Variants in DCAF8L1 observed in about 807,000 individuals in gnomAD.
The protein encoded by DCAF8L1 is DDB1 and CUL4 associated factor 8 like 1, also known as DDB1- and CUL4-associated factor 8-like protein 1.
For missense variants in DCAF8L1, 434 were observed against 481.6 expected, an observed-to-expected ratio of 0.90 and a Z score of 0.92; for synonymous variants, 217 against 186.8, an observed-to-expected ratio of 1.16 and a Z score of -1.32.
In DCAF8L1 at chrX:27,979,075, GT is replaced by G; in HGVS notation, c.*456del. On this transcript the variant is annotated 3_prime_UTR_variant, in exon 1 of 1. Transcript: ENST00000441525. ...AAGCTGTGTGTGTGTGTGGCCAAGT[GT>G]TAGGAATTAATCTACACACTACTTC... The G allele has an allele frequency of 2.9e-6, 1 of 345,211 alleles. No individual in the cohort carries two copies. The highest frequency in any genetic ancestry group is 6.2e-5 in the South Asian group (1 of 16,223). 28.4% of individuals were successfully genotyped at this position (345,211 alleles called of 1,213,427 possible).
Position 27,979,746 on chromosome X carries a change from T to C in DCAF8L1, c.1589A>G (p.Gln530Arg). The C allele has an allele frequency of 4.1e-6, 5 of 1,210,671 alleles. No homozygotes were observed. The highest frequency in any genetic ancestry group is 5.6e-6 in the Non-Finnish European group (5 of 894,972). ...GLKDVIKKNK[Q>R]ERDEDNLNYT... ...GTTCAAGTTGTCTTCATCTCGCTCC[T>C]GCTTGTTCTTCTTAATCACATCTTT... The change falls in exon 1 of 1, where the codon CAG becomes CGG. Residue 530 changes from glutamine (Q) to arginine (R), a missense_variant. By Grantham distance (43) the Gln-to-Arg change is conservative. Transcript: ENST00000441525.
chrX:27,980,402 C>G lies in DCAF8L1; in HGVS notation c.933G>C (p.Val311=), dbSNP rs915443694. 11 of 1,210,679 alleles carry G rather than the reference C, an allele frequency of 9.1e-6. No individual in the cohort carries two copies. Among genetic ancestry groups the G allele is most frequent in the African/African-American group, 5.2e-5 (3 of 57,377 alleles). Residue 311 remains valine, a synonymous_variant, in exon 1 of 1, where the codon GTG becomes GTC. Transcript: ENST00000441525. The part of the protein sequence containing the change: ...KFLTSGEDAV[V]FTIDLRQDRP... ...GGTCTTGCCTGAGGTCAATGGTGAACACAACGGCATCTTCACCTGAAGTGA... is the reference window on the plus strand; with the variant it reads ...GGTCTTGCCTGAGGTCAATGGTGAAGACAACGGCATCTTCACCTGAAGTGA...
Position 27,980,005 on chromosome X carries a change from T to C in DCAF8L1, c.1330A>G (p.Asn444Asp). 8.3e-7 allele frequency: 1 copy of C among 1,211,251 alleles called. No individual in the cohort carries two copies. The highest frequency in any genetic ancestry group is 1.1e-6 in the Non-Finnish European group (1 of 895,427). Residue 444 changes from asparagine (N) to aspartate (D), a missense_variant, in exon 1 of 1, where the codon AAT becomes GAT. Coordinates refer to ENST00000441525, the MANE Select transcript of DCAF8L1 (RefSeq NM_001017930.2). Reference sequence around the variant, plus strand: ...AACTCACTCCGGGGGCCATAGAAATTAACACATTTGATTGTGTCATTATTT... The same window carrying C: ...AACTCACTCCGGGGGCCATAGAAATCAACACATTTGATTGTGTCATTATTT... ...HRNNDTIKCVNFYGPRSEFVV... is the reference protein window; with the variant it reads ...HRNNDTIKCVDFYGPRSEFVV...
chrX:27,978,186 G>A lies in DCAF8L1; in HGVS notation c.*1346C>T, dbSNP rs1343120605. ...CTTGTAAGTATAAACAATTTTTACTGCAACAATTTTTAAAACAAACTCATA... is the reference window on the plus strand; with the variant it reads ...CTTGTAAGTATAAACAATTTTTACTACAACAATTTTTAAAACAAACTCATA... On this transcript the variant is annotated 3_prime_UTR_variant, in exon 1 of 1. Coordinates refer to ENST00000441525, the MANE Select transcript of DCAF8L1 (RefSeq NM_001017930.2). 2 of 110,876 alleles carry A rather than the reference G, an allele frequency of 1.8e-5. No individual in the cohort carries two copies. The highest frequency in any genetic ancestry group is 3.8e-5 in the Non-Finnish European group (2 of 53,000). The allele number at this position is 110,876 out of a possible 1,213,427, so 9.1% of individuals were successfully genotyped here.
chrX:27,979,990 G>A lies in DCAF8L1; in HGVS notation c.1345C>T (p.Arg449Trp), dbSNP rs777491492. 19 of 1,208,441 alleles carry A rather than the reference G, an allele frequency of 1.6e-5. No homozygotes were observed. The highest frequency in any genetic ancestry group is 6.6e-5 in the Admixed American group (3 of 45,514). The change falls in exon 1 of 1, where the codon CGG becomes TGG. Residue 449 changes from arginine to tryptophan, a missense_variant. Coordinates refer to ENST00000441525, the MANE Select transcript of DCAF8L1 (RefSeq NM_001017930.2). ...CTACCGCTCACGACAAACTCACTCC[G>A]GGGGCCATAGAAATTAACACATTTG... ...TIKCVNFYGPRSEFVVSGSDC... is the reference protein window; with the variant it reads ...TIKCVNFYGPWSEFVVSGSDC...
In DCAF8L1 at chrX:27,979,709, C is replaced by T. The variant is rs1391268224; in HGVS notation, c.1626G>A (p.Ser542=). Residue 542 remains serine, a synonymous_variant, in exon 1 of 1, where the codon TCG becomes TCA. Coordinates refer to ENST00000441525, the MANE Select transcript of DCAF8L1 (RefSeq NM_001017930.2). ...AGAACCGAAGCATGCGGTTGTCAAA[C>T]GAGTCCGTATAGTTCAAGTTGTCTT... is the stretch of plus-strand genomic sequence containing the variant. ...RDEDNLNYTD[S]FDNRMLRFFV... is the part of the protein sequence containing the mutation. 8.3e-6 allele frequency: 10 copies of T among 1,209,410 alleles called. No individual in the cohort carries two copies. In the South Asian group the frequency reaches 1.6e-4, roughly 19 times the overall value.
Position 27,979,652 on chromosome X carries a change from T to A in DCAF8L1, c.1683A>T (p.Gln561His). 1 of 1,211,895 alleles carries A rather than the reference T, an allele frequency of 8.3e-7. No individual in the cohort carries two copies. Among genetic ancestry groups the A allele is most frequent in the Non-Finnish European group, 1.1e-6 (1 of 895,553 alleles). Residue 561 changes from glutamine (Q) to histidine (H), a missense_variant, in exon 1 of 1, where the codon CAA becomes CAT. Coordinates refer to ENST00000441525, the MANE Select transcript of DCAF8L1 (RefSeq NM_001017930.2). Reference sequence around the variant, plus strand: ...CAGCTCCATGATCTCTCCAGCCGGGTTGATGAGCTCTCTGTAACAGGTGAC... The same window carrying A: ...CAGCTCCATGATCTCTCCAGCCGGGATGATGAGCTCTCTGTAACAGGTGAC... The part of the protein sequence containing the change: ...FVRHLLQRAH[Q>H]PGWRDHGAEF...
chrX:27,980,120 G>C lies in DCAF8L1; in HGVS notation c.1215C>G (p.Leu405=), dbSNP rs771333777. ...CVVYSHDGTE[L]LASYNDEDIY... ...TATCTTCATCATTGTAGCTGGCCAG[G>C]AGCTCTGTGCCATCGTGGCTGTACA... The change falls in exon 1 of 1, where the codon CTC becomes CTG. Residue 405 remains leucine (L), a synonymous_variant. Transcript: ENST00000441525. The C allele has an allele frequency of 8.3e-6, 10 of 1,209,828 alleles. No homozygotes were observed. In the South Asian group the frequency reaches 8.8e-5, roughly 11 times the overall value.
rs1191403049 is a variant in DCAF8L1, at chrX:27,979,979, A to C, written c.1356T>G (p.Phe452Leu). ...CVNFYGPRSEFVVSGSDCGHV... is the reference protein window; with the variant it reads ...CVNFYGPRSELVVSGSDCGHV... ...GCCCACAATCACTACCGCTCACGACAAACTCACTCCGGGGGCCATAGAAAT... is the reference window on the plus strand; with the variant it reads ...GCCCACAATCACTACCGCTCACGACCAACTCACTCCGGGGGCCATAGAAAT... The change falls in exon 1 of 1, where the codon TTT becomes TTG. Residue 452 changes from phenylalanine (F) to leucine (L), a missense_variant. Coordinates refer to ENST00000441525, the MANE Select transcript of DCAF8L1 (RefSeq NM_001017930.2). 8.3e-7 allele frequency: 1 copy of C among 1,211,157 alleles called. No homozygotes were observed. Among genetic ancestry groups the C allele is most frequent in the South Asian group, 1.8e-5 (1 of 56,906 alleles).
At position 27,979,493 on chromosome X, in the gene DCAF8L1, G is replaced by A. The variant is rs1320046454; in HGVS notation, c.*39C>T. The A allele has an allele frequency of 1.7e-6, 2 of 1,142,873 alleles. No homozygotes were observed. Among genetic ancestry groups the A allele is most frequent in the East Asian group, 6.0e-5 (2 of 33,168 alleles). 94.2% of individuals were successfully genotyped at this position (1,142,873 alleles called of 1,213,427 possible). ...GTCAAACTGAATTTTAAAGTCCAGT[G>A]TACTTAGGTGGCATCTAGCTGGACT... On this transcript the variant is annotated 3_prime_UTR_variant, in exon 1 of 1. Transcript: ENST00000441525.
Position 27,978,778 on chromosome X carries a change from A to ATG in DCAF8L1, c.*752_*753dup, listed in dbSNP as rs1400758559. The ATG allele has an allele frequency of 4.2e-6, 3 of 722,748 alleles. No individual in the cohort carries two copies. Among genetic ancestry groups the ATG allele is most frequent in the East Asian group, 3.6e-5 (1 of 27,868 alleles). 59.6% of individuals were successfully genotyped at this position (722,748 alleles called of 1,213,427 possible). ...TTTCCTTTTCTAAGGCTCTGTGTGTATGTGTGTGTGCATAGCTGGCCAGGA... is the reference window on the plus strand; with the variant it reads ...TTTCCTTTTCTAAGGCTCTGTGTGTATGTGTGTGTGTGCATAGCTGGCCAGGA... On this transcript the variant is annotated 3_prime_UTR_variant, in exon 1 of 1. Transcript: ENST00000441525.
In DCAF8L1 at chrX:27,981,389, G is replaced by T; in HGVS notation, c.-55C>A. ...GAACTGGAAAAGCCAACCCCTAAAAGCTCAGGGAAGAGAGCACGCCTGCCC... is the reference window on the plus strand; with the variant it reads ...GAACTGGAAAAGCCAACCCCTAAAATCTCAGGGAAGAGAGCACGCCTGCCC... On this transcript the variant is annotated 5_prime_UTR_variant, in exon 1 of 1. Transcript: ENST00000441525. 1 of 1,174,446 alleles carries T rather than the reference G, an allele frequency of 8.5e-7. No homozygotes were observed. The highest frequency in any genetic ancestry group is 1.8e-5 in the African/African-American group (1 of 56,532).
Position 27,980,042 on chromosome X carries a change from A to T in DCAF8L1, c.1293T>A (p.Tyr431Ter), listed in dbSNP as rs769296322. ...TTGTGTCATTATTTCTGTGCCCCTT[A>T]TATCTCTTAACATATTGAGCACCAT... ...LSDGAQYVKR[Y>*]KGHRNNDTIK... Residue 431 changes from tyrosine (Y) to a stop codon, truncating the protein, a stop_gained, in exon 1 of 1, where the codon TAT (tyrosine) becomes TAA (stop). Transcript: ENST00000441525. LOFTEE classifies it low-confidence loss of function (END_TRUNC). The T allele has an allele frequency of 3.3e-6, 4 of 1,211,289 alleles. No individual in the cohort carries two copies. The East Asian group carries it at 8.9e-5, about 27-fold the overall frequency.
chrX:27,980,922 G>A lies in DCAF8L1; in HGVS notation c.413C>T (p.Ala138Val). 2 of 1,211,670 alleles carry A rather than the reference G, an allele frequency of 1.7e-6. No homozygotes were observed. Among genetic ancestry groups the A allele is most frequent in the Non-Finnish European group, 2.2e-6 (2 of 895,455 alleles). The change falls in exon 1 of 1, where the codon GCG becomes GTG. Residue 138 changes from alanine to valine, a missense_variant. Ala to Val is a moderately conservative substitution (Grantham distance 64). Transcript: ENST00000441525. ...HDQCLLDEDQALEEWISSETS... is the reference protein window; with the variant it reads ...HDQCLLDEDQVLEEWISSETS... ...CTCTGAGGAAATCCACTCCTCCAAC[G>A]CCTGATCCTCGTCTAACAAACACTG...
rs1926615620 is a variant in DCAF8L1 at position 27,980,456 on chromosome X, A to G, written c.879T>C (p.Ala293=). ...AKHRGPAHEL[A]LEPDSPYKFL... ...ACTTATAAGGAGAGTCTGGCTCCAG[A>G]GCCAACTCGTGGGCAGGTCCCCTGT... Residue 293 remains alanine, a synonymous_variant, in exon 1 of 1, where the codon GCT becomes GCC. Coordinates refer to ENST00000441525, the MANE Select transcript of DCAF8L1 (RefSeq NM_001017930.2). 1 of 1,210,676 alleles carries G rather than the reference A, an allele frequency of 8.3e-7. No homozygotes were observed. Among genetic ancestry groups the G allele is most frequent in the African/African-American group, 1.7e-5 (1 of 57,367 alleles).
In DCAF8L1 at chrX:27,979,361, G is replaced by T; in HGVS notation, c.*171C>A. ...GCAATTTTAGAGGTCAATTATAAGG[G>T]AACAAAGGAAAAGAGGCATAAATAA... is the stretch of plus-strand genomic sequence containing the variant. On this transcript the variant is annotated 3_prime_UTR_variant, in exon 1 of 1. Transcript: ENST00000441525. 1 of 605,624 alleles carries T rather than the reference G, an allele frequency of 1.7e-6. No homozygotes were observed. Among genetic ancestry groups the T allele is most frequent in the Non-Finnish European group, 2.3e-6 (1 of 433,241 alleles). The allele number at this position is 605,624 out of a possible 1,213,427, so 49.9% of individuals were successfully genotyped here.
In DCAF8L1 at chrX:27,981,243, GCTGCTA is replaced by G. The variant is rs748891512; in HGVS notation, c.86_91del (p.Val29_Ala30del). The G allele has an allele frequency of 2.1e-4, 254 of 1,208,708 alleles. No individual in the cohort carries two copies. The highest frequency in any genetic ancestry group is 2.7e-4 in the Non-Finnish European group (243 of 894,953). ...AATGTCTGAGGAGGCCGCCGTCACC[GCTGCTA>G]CTCCAGACTGCTCCTCTGGGCTGCT... On this transcript the variant is annotated inframe_deletion, in exon 1 of 1. Coordinates refer to ENST00000441525, the MANE Select transcript of DCAF8L1 (RefSeq NM_001017930.2).
At position 27,981,189 on chromosome X, in the gene DCAF8L1, C is replaced by G. The variant is rs1433664579; in HGVS notation, c.146G>C (p.Gly49Ala). ...ACCATCCCTGGTATCACCACCATCT[C>G]CGGTCGATGGCTCTGTGGCTGCCAT... is the stretch of plus-strand genomic sequence containing the variant. ...IEMAATEPST[G>A]DGGDTRDGGF... The change falls in exon 1 of 1, where the codon GGA (glycine) becomes GCA (alanine). Residue 49 changes from glycine (G) to alanine (A), a missense_variant. By Grantham distance (60) the Gly-to-Ala change is moderately conservative. Coordinates refer to ENST00000441525, the MANE Select transcript of DCAF8L1 (RefSeq NM_001017930.2). 2 of 1,211,850 alleles carry G rather than the reference C, an allele frequency of 1.7e-6. No individual in the cohort carries two copies. Among genetic ancestry groups the G allele is most frequent in the African/African-American group, 3.5e-5 (2 of 57,814 alleles).
chrX:27,979,849 A>C lies in DCAF8L1; in HGVS notation c.1486T>G (p.Leu496Val). 1 of 1,210,841 alleles carries C rather than the reference A, an allele frequency of 8.3e-7. No individual in the cohort carries two copies. Among genetic ancestry groups the C allele is most frequent in the Non-Finnish European group, 1.1e-6 (1 of 895,265 alleles). The change falls in exon 1 of 1, where the codon TTG becomes GTG. Residue 496 changes from leucine to valine, a missense_variant. By Grantham distance (32) the Leu-to-Val change is conservative. Transcript: ENST00000441525. ...CLEPHPYLPV[L>V]ATSGLDQHVR... ...TGCTGATCTAGGCCACTGGTCGCCAACACAGGTAGGTAAGGGTGGGGTTCA... is the reference window on the plus strand; with the variant it reads ...TGCTGATCTAGGCCACTGGTCGCCACCACAGGTAGGTAAGGGTGGGGTTCA...
Sources: allele counts gnomAD v4.1 joint callset, GRCh38; gene constraint gnomAD v4.1.1; transcripts MANE v1.5; gene names NCBI Gene and HGNC (gene_info 2026-07-23, HGNC 2026-07-21).